The following LPCAT2 variants were observed in gnomAD, a reference collection of about 807,000 sequenced individuals.
LPCAT2 encodes 1-AGP acyltransferase 11.
LPCAT2 carries 58 observed loss-of-function variants against 64.7 expected under a neutral mutation model. That is an observed-to-expected ratio of 0.90 (90% confidence interval 0.73 to 1.12). The LOEUF (loss-of-function observed/expected upper bound fraction) is 1.12. LPCAT2 is among the 50% of genes most tolerant of loss of function. LPCAT2 has a pLI of 0.00. For missense variants in LPCAT2, 579 were observed against 669.8 expected, an observed-to-expected ratio of 0.86 and a Z score of 1.50; for synonymous variants, 252 against 245.3, an observed-to-expected ratio of 1.03 and a Z score of -0.26.
chr16:55,509,428 G>T, intron 1 of LPCAT2, 76 bp downstream of exon 1: 1 of 1,291,596 alleles, frequency 7.7e-7, no homozygotes, highest in Non-Finnish European at 1.0e-6. Context: ...TAAGGGGTGT[G>T]GGTCTGAGAG....
chr16:55,511,365 T>C (rs1289165549), intron 1 of LPCAT2, among the ~76,000 whole-genome samples: 5 of 152,198 alleles, frequency 3.3e-5, no homozygotes, highest in African/African-American at 1.2e-4. Flanking sequence ...AAGATTTGAA[T>C]AGGCATGGTA....
chr16:55,567,570 A>G (rs1242494616), intron 11 of LPCAT2: 1 of 1,490,830 alleles, frequency 6.7e-7, no homozygotes, highest in Non-Finnish European at 9.1e-7. Context: ...AGCTGTACAC[A>G]GTTGCTGATA....
chr16:55,565,264 G>A (rs553424908), intron 11 of LPCAT2, among the ~76,000 whole-genome samples: 6 of 152,198 alleles, frequency 3.9e-5, no homozygotes, highest in African/African-American at 1.4e-4. Flanking sequence ...TGGTGGGGAT[G>A]TAAGTGGTAC....
chr16:55,537,480 G>T, intron 7 of LPCAT2, 98 bp from the exon 8 acceptor site: 1 of 890,782 alleles, frequency 1.1e-6, no homozygotes, highest in South Asian at 1.6e-5. Context: ...TGTGAAGTGT[G>T]ATGTGAGGGT....
chr16:55,578,382 A>G, intron 12 of LPCAT2, among the ~76,000 whole-genome samples: 1 of 152,064 alleles, frequency 6.6e-6, no homozygotes, highest in East Asian at 1.9e-4. Flanking sequence ...CTGTTTTCCC[A>G]CTTTGGCTAA....
intron 1 of LPCAT2, among the ~76,000 whole-genome samples, chr16:55,513,105 C>T (rs1219752306): frequency 6.6e-6 from 1 of 152,046 alleles, no homozygotes; most frequent in African/African-American, 2.4e-5. Context: ...AAAATGTGAC[C>T]TGTGATCAAA....
At chr16:55,547,581 T>C (rs1400294661) in intron 9 of LPCAT2, among the ~76,000 whole-genome samples, 1 of 152,194 alleles carries the variant, frequency 6.6e-6, no homozygotes, top group Non-Finnish European at 1.5e-5. Flanking sequence ...AGGTAGTGAC[T>C]GTCTGGGCTA....
intron 1 of LPCAT2, among the ~76,000 whole-genome samples, chr16:55,512,180 A>T (rs1297274608): frequency 2.0e-5 from 3 of 152,208 alleles, no homozygotes; most frequent in African/African-American, 7.2e-5. Flanking sequence ...GTTTTATAGG[A>T]AATAAGACTG....
At chr16:55,531,818 A>C (rs1375416980) in intron 4 of LPCAT2, 96 bp from the exon 5 acceptor site, 2 of 759,088 alleles carry the variant, frequency 2.6e-6, no homozygotes, top group Non-Finnish European at 4.6e-6. Flanking sequence ...TTTGTTTTTT[A>C]AGCATTGGCA....
rs1263657155 is a variant in LPCAT2 at position 55,583,697 on chromosome 16, T to G, written c.*599T>G. 3 of 153,438 alleles carry G rather than the reference T, an allele frequency of 2.0e-5. No homozygotes were observed. Among genetic ancestry groups the G allele is most frequent in the Non-Finnish European group, 2.9e-5 (2 of 69,104 alleles). 9.5% of individuals were successfully genotyped at this position (153,438 alleles called of 1,614,324 possible). A position where few individuals can be genotyped will look rare whatever the true frequency, so the allele number is the denominator to read the frequency against. On this transcript the variant is annotated 3_prime_UTR_variant, in exon 14 of 14. Coordinates refer to ENST00000262134, the MANE Select transcript of LPCAT2 (RefSeq NM_017839.5). The stretch of plus-strand genomic sequence containing the variant: ...TTGTAGTTTTTTGTTTTGTTTTGTT[T>G]TTTGAGATGGAGTCTTGCTCTGTCA...
intron 11 of LPCAT2, chr16:55,556,919 T>A (rs140888810): frequency 2.5e-4 from 38 of 152,370 alleles, no homozygotes; most frequent in African/African-American, 8.7e-4. Flanking sequence ...ATTGACTAAC[T>A]CATACTAGAG....
intron 11 of LPCAT2, chr16:55,567,096 C>A: frequency 6.2e-7 from 1 of 1,613,818 alleles, no homozygotes; most frequent in Non-Finnish European, 8.5e-7. Flanking sequence ...GCACAAAGAT[C>A]TTAAGACTGA....
chr16:55,533,711 C>T (rs1474424145), intron 6 of LPCAT2, among the ~76,000 whole-genome samples: 1 of 151,838 alleles, frequency 6.6e-6, no homozygotes, highest in Non-Finnish European at 1.5e-5. Flanking sequence ...CTGCATCTGG[C>T]CTAGCTTAAC....
At chr16:55,537,975 G>T (rs776234937) in intron 8 of LPCAT2, among the ~76,000 whole-genome samples, 1 of 152,138 alleles carries the variant, frequency 6.6e-6, no homozygotes, top group Non-Finnish European at 1.5e-5. Flanking sequence ...CCTCCTTAAA[G>T]AAAATGTTTT....
chr16:55,582,806 G>C (rs751257534), intron 13 of LPCAT2, 108 bp from the exon 14 acceptor site: 34 of 685,010 alleles, frequency 5.0e-5, no homozygotes, highest in Non-Finnish European at 7.1e-5. Flanking sequence ...TTGTGTGTTG[G>C]GTAGTAGAAT....
At chr16:55,541,727 G>A (rs537413628) in intron 8 of LPCAT2, 9 of 432,400 alleles carry the variant, frequency 2.1e-5, no homozygotes, top group African/African-American at 1.7e-4. Context: ...TGACAAAAAT[G>A]GGGATAATGA....
chr16:55,552,038 C>G (rs956840704), intron 11 of LPCAT2, among the ~76,000 whole-genome samples: 1 of 152,132 alleles, frequency 6.6e-6, no homozygotes, highest in Non-Finnish European at 1.5e-5. Context: ...CCACTGCATT[C>G]AAGATACACA....
At chr16:55,511,595 A>T (rs951965712) in intron 1 of LPCAT2, among the ~76,000 whole-genome samples, 4 of 152,368 alleles carry the variant, frequency 2.6e-5, no homozygotes, top group Admixed American at 6.5e-5. Context: ...CCAGAGAATA[A>T]CACTGAGAGA....
At chr16:55,537,512 T>A in intron 7 of LPCAT2, 66 bp from the exon 8 acceptor site, 1 of 1,261,908 alleles carries the variant, frequency 7.9e-7, no homozygotes, top group Non-Finnish European at 1.1e-6. Context: ...AAGAAATGAT[T>A]GTTGAATAAT....
Sources: gnomAD v4.1 joint callset for allele counts (sites outside exome capture counted in the v4.1 genomes callset) on GRCh38, gnomAD v4.1.1 for gene constraint, MANE v1.5 for transcripts, NCBI Gene and HGNC (gene_info 2026-07-23, HGNC 2026-07-21) for gene names.